Variants in WDPCP observed in about 807,000 individuals in gnomAD.
WDPCP encodes WD repeat containing planar cell polarity effector, also known as WD repeat-containing and planar cell polarity effector protein fritz homolog.
WDPCP carries 71 observed loss-of-function variants against 93.1 expected under a neutral mutation model. That is an observed-to-expected ratio of 0.76 (90% CI 0.63 to 0.93). The LOEUF (loss-of-function observed/expected upper bound fraction) is 0.93. Ranked by LOEUF, WDPCP falls within the 40% of genes least tolerant of loss-of-function variation. The pLI, the probability that WDPCP is intolerant of heterozygous loss-of-function variation, is 0.00. For synonymous variants in WDPCP, 315 were observed against 315.0 expected (o/e 1.00, Z 0.00); for missense variants, 844 against 887.4 (o/e 0.95, Z 0.62).
intron 2 of WDPCP, among the ~76,000 whole-genome samples, chr2:63,674,159 G>A (rs561097158): frequency 3.3e-4 from 51 of 152,248 alleles, no homozygotes; most frequent in African/African-American, 1.2e-3. Flanking sequence ...TTCTCCTCAT[G>A]GATAAAAAGA....
intron 2 of WDPCP, among the ~76,000 whole-genome samples, chr2:63,669,309 A>G (rs1377497933): frequency 6.6e-6 from 1 of 152,126 alleles, no homozygotes; most frequent in Non-Finnish European, 1.5e-5. Context: ...ATGTGCTTAA[A>G]TGCAATCTAA....
intron 2 of WDPCP, among the ~76,000 whole-genome samples, chr2:63,809,182 C>G (rs1052011110): frequency 3.3e-5 from 5 of 151,748 alleles, no homozygotes. Flanking sequence ...GCGTCTCCGC[C>G]CGGCAGCCGC....
At chr2:63,141,808 G>C (rs189751106) in intron 17 of WDPCP, among the ~76,000 whole-genome samples, 268 of 151,966 alleles carry the variant, frequency 1.8e-3, no homozygotes, top group African/African-American at 6.1e-3. Context: ...TTTCGATCTC[G>C]CTGCTTGTTA....
chr2:63,366,906 T>A (rs1690954417), intron 12 of WDPCP, among the ~76,000 whole-genome samples: 1 of 152,062 alleles, frequency 6.6e-6, no homozygotes, highest in African/African-American at 2.4e-5. Context: ...GAGCAAGTTA[T>A]TTAATCTGTG....
chr2:63,319,072 A>G (rs900230125), intron 12 of WDPCP, among the ~76,000 whole-genome samples: 18 of 152,324 alleles, frequency 1.2e-4, no homozygotes, highest in Admixed American at 3.3e-4. Flanking sequence ...GACAGAAAAT[A>G]TCTTCAAATT....
chr2:63,816,661 G>A (rs900723826), intron 1 of WDPCP, among the ~76,000 whole-genome samples: 1 of 152,200 alleles, frequency 6.6e-6, no homozygotes, highest in Non-Finnish European at 1.5e-5. Context: ...GGCCTCCAGA[G>A]CTATGAGAGA....
intron 9 of WDPCP, among the ~76,000 whole-genome samples, chr2:63,433,174 A>C (rs913296162): frequency 5.3e-5 from 8 of 152,206 alleles, no homozygotes; most frequent in Non-Finnish European, 1.0e-4. Context: ...CTCACCTCAT[A>C]ATCTATAGCT....
chr2:63,567,879 A>C (rs1008737632), intron 1 of WDPCP, among the ~76,000 whole-genome samples: 5 of 152,238 alleles, frequency 3.3e-5, no homozygotes, highest in African/African-American at 1.2e-4. Context: ...CTCATTGAAT[A>C]AATAATTTTT....
upstream of WDPCP, among the ~76,000 whole-genome samples, chr2:63,592,285 C>G (rs1486575380): frequency 6.6e-6 from 1 of 152,208 alleles, no homozygotes; most frequent in East Asian, 1.9e-4. Flanking sequence ...ATTGTGGTCA[C>G]TAAGTTTCCA....
intron 12 of WDPCP, among the ~76,000 whole-genome samples, chr2:63,337,729 T>C (rs1377998560): frequency 3.9e-5 from 6 of 152,218 alleles, no homozygotes; most frequent in Non-Finnish European, 8.8e-5. Flanking sequence ...ATTGTGGTTT[T>C]GATTTGCATT....
chr2:63,165,405 A>T (rs1408396656), intron 15 of WDPCP, among the ~76,000 whole-genome samples: 2 of 151,982 alleles, frequency 1.3e-5, no homozygotes, highest in Non-Finnish European at 2.9e-5. Context: ...CAAGTGTTGG[A>T]TTTTTTTCAC....
chr2:63,177,545 G>A (rs527859623), intron 14 of WDPCP, among the ~76,000 whole-genome samples: 115 of 152,194 alleles, frequency 7.6e-4, no homozygotes, highest in Non-Finnish European at 1.1e-3. Context: ...CTCATTTTTA[G>A]TGTCAGAAAT....
intron 14 of WDPCP, among the ~76,000 whole-genome samples, chr2:63,251,821 G>GACC (rs1045402792): frequency 6.6e-6 from 1 of 151,648 alleles, no homozygotes; most frequent in Non-Finnish European, 1.5e-5. Context: ...AAAAGCCCCG[G>GACC]ACCAGATGGA....
intron 12 of WDPCP, among the ~76,000 whole-genome samples, chr2:63,316,207 C>T (rs1018234261): frequency 1.3e-5 from 2 of 152,002 alleles, no homozygotes; most frequent in African/African-American, 4.8e-5. Flanking sequence ...ATGAAAAAGT[C>T]TAATATGACT....
chr2:63,382,213 G>A (rs1363552610), intron 10 of WDPCP, 119 bp from the exon 11 acceptor site: 1 of 933,990 alleles, frequency 1.1e-6, no homozygotes, highest in Non-Finnish European at 1.6e-6. Flanking sequence ...TAGAAATGTG[G>A]GACTGATCTC....
At chr2:63,331,086 G>A (rs1687944750) in intron 12 of WDPCP, among the ~76,000 whole-genome samples, 2 of 152,008 alleles carry the variant, frequency 1.3e-5, no homozygotes, top group African/African-American at 4.8e-5. Flanking sequence ...CTGATCTTCA[G>A]CTCAAGAAAT....
intron 2 of WDPCP, among the ~76,000 whole-genome samples, chr2:63,695,729 C>T (rs1668952536): frequency 6.6e-6 from 1 of 152,064 alleles, no homozygotes; most frequent in Non-Finnish European, 1.5e-5. Context: ...TAACCAGCAC[C>T]CAGGTCAAAA....
chr2:63,318,217 A>G (rs1251069404), intron 12 of WDPCP, among the ~76,000 whole-genome samples: 2 of 152,202 alleles, frequency 1.3e-5, no homozygotes, highest in African/African-American at 2.4e-5. Context: ...ACAATGAGAT[A>G]CCATCTCATA....
chr2:63,176,171 A>G (rs1308584698), intron 14 of WDPCP, among the ~76,000 whole-genome samples: 1 of 152,174 alleles, frequency 6.6e-6, no homozygotes, highest in Non-Finnish European at 1.5e-5. Flanking sequence ...TTCTCTAATA[A>G]GTGATACTGA....
Sources: gnomAD v4.1 joint callset for allele counts (sites outside exome capture counted in the v4.1 genomes callset) on GRCh38, gnomAD v4.1.1 for gene constraint, MANE v1.5 for transcripts, NCBI Gene and HGNC (gene_info 2026-07-23, HGNC 2026-07-21) for gene names.